APBA3: variants seen among roughly 807,000 people sequenced by gnomAD.
The protein encoded by APBA3 is amyloid-beta A4 precursor protein-binding family A member 3.
APBA3 carries 45 observed loss-of-function variants against 55.9 expected under a neutral mutation model. The ratio of observed to expected loss-of-function variants is 0.80; its 90% CI spans 0.63 to 1.03. The LOEUF (loss-of-function observed/expected upper bound fraction) is 1.03, where lower values mean the gene tolerates loss of function less well. APBA3 is among the 50% of genes least tolerant of loss of function. The pLI is 0.00. For synonymous variants in APBA3, 370 were observed against 353.3 expected (o/e 1.05, Z -0.53); for missense variants, 865 against 820.3 (o/e 1.05, Z -0.67).
At position 3,759,686 on chromosome 19, in the gene APBA3, T is replaced by TGGGCACC; in HGVS notation, c.576+2_576+3insGGTGCCC. 1 of 1,611,642 alleles carries TGGGCACC rather than the reference T, an allele frequency of 6.2e-7. No individual in the cohort carries two copies. Among genetic ancestry groups the TGGGCACC allele is most frequent in the Admixed American group, 1.7e-5 (1 of 59,604 alleles). ...GATGCCTGGAGGGCGGGGCGGGCAC[T>TGGGCACC]ACCTGGGCACCAGCGGGTGGCTCTT... On this transcript the variant is annotated splice_region_variant and intron_variant, in intron 2 of 10. Transcript: ENST00000316757.
At chr19:3,755,560 G>GGGGTT (rs1555743068) in intron 3 of APBA3, 8 of 58,018 alleles carry the variant, frequency 1.4e-4, no homozygotes, top group African/African-American at 5.5e-4. Context: ...TTAGGAGGCC[G>GGGGTT]GGGGGGGGGG....
rs1487860606 is a variant in APBA3, at chr19:3,759,733, T to C, written c.532A>G (p.Thr178Ala). 1.4e-5 allele frequency: 23 copies of C among 1,612,420 alleles called. No homozygotes were observed. The highest frequency in any genetic ancestry group is 1.9e-5 in the Non-Finnish European group (22 of 1,179,810). ...TCTTCAGGTGTGACTAGAGGCACCG[T>C]CTCCAGCCAGGGTTCCGGGGAACTG... The part of the protein sequence containing the change: ...SSSSPEPWLE[T>A]VPLVTPEEPP... Residue 178 changes from threonine to alanine, a missense_variant, in exon 2 of 11, where the codon ACG becomes GCG. Coordinates refer to ENST00000316757, the MANE Select transcript of APBA3 (RefSeq NM_004886.4).
At chr19:3,751,398 A>AC (rs368571496) in intron 9 of APBA3, 36 bp downstream of exon 9, 28 of 1,510,670 alleles carry the variant, frequency 1.9e-5, no homozygotes, top group East Asian at 1.7e-4. Context: ...GGGCCGCCCT[A>AC]CCCCCCCACC....
In APBA3 at chr19:3,753,918, C is replaced by T; in HGVS notation, c.858G>A (p.Met286Ile). 1.3e-6 allele frequency: 2 copies of T among 1,555,322 alleles called. No homozygotes were observed. The highest frequency in any genetic ancestry group is 8.7e-7 in the Non-Finnish European group (1 of 1,148,428). ...KVLTADSQEA[M>I]MDHALHTISY... ...AGATGGTATGCAGGGCGTGGTCCAT[C>T]ATGGCCTCCTGGGGCGGGAGAGGCA... Residue 286 changes from methionine to isoleucine, a missense_variant, in exon 6 of 11, where the codon ATG (methionine) becomes ATA (isoleucine). By Grantham distance (10) the Met-to-Ile change is conservative (BLOSUM62 1). Coordinates refer to ENST00000316757, the MANE Select transcript of APBA3 (RefSeq NM_004886.4).
At chr19:3,758,951 G>A (rs915827467) in intron 3 of APBA3, among the ~76,000 whole-genome samples, 6 of 152,172 alleles carry the variant, frequency 3.9e-5, no homozygotes, top group African/African-American at 2.4e-5. Flanking sequence ...CCCGGGCATG[G>A]TGGCTCACGC....
chr19:3,753,275 G>GGCC, intron 6 of APBA3: 1 of 502,414 alleles, frequency 2.0e-6, no homozygotes, highest in East Asian at 3.3e-5. Context: ...CCAGCCAGGG[G>GGCC]GCCTGGGGCC....
At position 3,751,517 on chromosome 19, in the gene APBA3, C is replaced by A. The variant is rs376088061; in HGVS notation, c.1432G>T (p.Val478Phe). Residue 478 changes from valine (V) to phenylalanine (F), a missense_variant, in exon 9 of 11, where the codon GTC becomes TTC. By Grantham distance (50) the Val-to-Phe change is conservative. Coordinates refer to ENST00000316757, the MANE Select transcript of APBA3 (RefSeq NM_004886.4). Reference sequence around the variant, plus strand: ...GCGGTGGTGACGGGAGGGCAGTGGACGATGCTGAGTGTCACCGACGTCTGC... The same window carrying A: ...GCGGTGGTGACGGGAGGGCAGTGGAAGATGCTGAGTGTCACCGACGTCTGC... ...KSQTSVTLSIVHCPPVTTAII... is the reference protein window; with the variant it reads ...KSQTSVTLSIFHCPPVTTAII... 23 of 1,588,702 alleles carry A rather than the reference C, an allele frequency of 1.4e-5. No individual in the cohort carries two copies. The highest frequency in any genetic ancestry group is 3.5e-5 in the Admixed American group (2 of 56,756).
chr19:3,753,508 C>T, intron 6 of APBA3: 1 of 459,964 alleles, frequency 2.2e-6, no homozygotes, highest in Non-Finnish European at 3.8e-6. Context: ...ATTAGCCAGG[C>T]ATGGTGATAC....
chr19:3,750,973 G>A lies in APBA3; in HGVS notation c.*53C>T. ...GGCCAGCCAGGGCAGGCCCAGGATG[G>A]GGCTCCGGGGCCATGGAGGCGAAGG... On this transcript the variant is annotated 3_prime_UTR_variant, in exon 11 of 11. Transcript: ENST00000316757. 1.3e-6 allele frequency: 2 copies of A among 1,528,230 alleles called. No individual in the cohort carries two copies. The highest frequency in any genetic ancestry group is 2.4e-5 in the East Asian group (1 of 40,850). The allele number at this position is 1,528,230 out of a possible 1,614,324, so 94.7% of individuals were successfully genotyped here. A position where few individuals can be genotyped will look rare whatever the true frequency, so the allele number is the denominator to read the frequency against.
rs771780165 is a variant in APBA3, at chr19:3,759,999, T to C, written c.266A>G (p.His89Arg). The change falls in exon 2 of 11, where the codon CAT becomes CGT. Residue 89 changes from histidine to arginine, a missense_variant. Physicochemically the swap from His to Arg is conservative, Grantham distance 29. Coordinates refer to ENST00000316757, the MANE Select transcript of APBA3 (RefSeq NM_004886.4). ...APCPLHIATGHGLASQEIADA... is the reference protein window; with the variant it reads ...APCPLHIATGRGLASQEIADA... ...AGCAATCTCCTGGGAGGCCAGGCCA[T>C]GGCCTGTGGCAATGTGTAGGGGACA... The C allele has an allele frequency of 5.6e-6, 9 of 1,611,710 alleles. No individual in the cohort carries two copies. In the South Asian group the frequency reaches 9.9e-5, roughly 18 times the overall value.
At chr19:3,754,738 C>A in intron 3 of APBA3, 1 of 172,208 alleles carries the variant, frequency 5.8e-6, no homozygotes, top group East Asian at 1.8e-4. Flanking sequence ...GTGATCTCAG[C>A]TCACTGCAAC....
At position 3,760,005 on chromosome 19, in the gene APBA3, G is replaced by C; in HGVS notation, c.260C>G (p.Thr87Arg). 6.2e-7 allele frequency: 1 copy of C among 1,612,020 alleles called. No homozygotes were observed. The highest frequency in any genetic ancestry group is 8.5e-7 in the Non-Finnish European group (1 of 1,179,584). ...CTCCTGGGAGGCCAGGCCATGGCCTGTGGCAATGTGTAGGGGACAGGGGGC... is the reference window on the plus strand; with the variant it reads ...CTCCTGGGAGGCCAGGCCATGGCCTCTGGCAATGTGTAGGGGACAGGGGGC... ...GGAPCPLHIA[T>R]GHGLASQEIA... The change falls in exon 2 of 11, where the codon ACA becomes AGA. Residue 87 changes from threonine to arginine, a missense_variant. By Grantham distance (71) the Thr-to-Arg change is moderately conservative (BLOSUM62 -1). Transcript: ENST00000316757.
intron 3 of APBA3, among the ~76,000 whole-genome samples, chr19:3,758,472 C>A (rs1373622733): frequency 6.6e-6 from 1 of 152,042 alleles, no homozygotes; most frequent in East Asian, 1.9e-4. Flanking sequence ...GTTGCCCAGG[C>A]TGGTCTCCAA....
rs1228133717 is a variant in APBA3, at chr19:3,759,760, T to C, written c.505A>G (p.Ser169Gly). Residue 169 changes from serine to glycine, a missense_variant, in exon 2 of 11, where the codon AGC becomes GGC. By Grantham distance (56) the Ser-to-Gly change is moderately conservative (BLOSUM62 0). Transcript: ENST00000316757. Reference protein sequence around the residue: ...SAEQEGSRSSSSSPEPWLETV... With the variant: ...SAEQEGSRSSGSSPEPWLETV... ...TCCAGCCAGGGTTCCGGGGAACTGCTTGAGCTCCTGCTGCCCTCCTGCTCA... is the reference window on the plus strand; with the variant it reads ...TCCAGCCAGGGTTCCGGGGAACTGCCTGAGCTCCTGCTGCCCTCCTGCTCA... 2 of 1,612,536 alleles carry C rather than the reference T, an allele frequency of 1.2e-6. No individual in the cohort carries two copies. Among genetic ancestry groups the C allele is most frequent in the African/African-American group, 1.3e-5 (1 of 74,878 alleles).
intron 1 of APBA3, among the ~76,000 whole-genome samples, chr19:3,761,110 C>T (rs1201252296): frequency 6.6e-6 from 1 of 152,034 alleles, no homozygotes; most frequent in Non-Finnish European, 1.5e-5. Flanking sequence ...AGTGGCTTCC[C>T]GAGCCCCTGT....
rs139964646 is a variant in APBA3, at chr19:3,760,112, T to C, written c.153A>G (p.Glu51=). 2 of 1,613,328 alleles carry C rather than the reference T, an allele frequency of 1.2e-6. No individual in the cohort carries two copies. Among genetic ancestry groups the C allele is most frequent in the Non-Finnish European group, 1.7e-6 (2 of 1,180,026 alleles). Residue 51 remains glutamate, a synonymous_variant, in exon 2 of 11, where the codon GAA becomes GAG. Coordinates refer to ENST00000316757, the MANE Select transcript of APBA3 (RefSeq NM_004886.4). ...GCTCCTGAAGGCTTGACTCATCAAG[T>C]TCCATCCGACTGAGGCTGCCGGGGC... ...PGGPGSLSRM[E]LDESSLQELV... is the part of the protein sequence containing the mutation.
In APBA3 at chr19:3,759,554, C is replaced by T. The variant is rs2037117976; in HGVS notation, c.616+7G>A. The T allele has an allele frequency of 6.3e-7, 1 of 1,595,558 alleles. No homozygotes were observed. The highest frequency in any genetic ancestry group is 8.5e-7 in the Non-Finnish European group (1 of 1,172,426). ...GTGCCTGAGGCTAGGGTGGGCGGGA[C>T]ACTCACCCTCCTGGGGGGCAGGGTA... On this transcript the variant is annotated splice_region_variant and intron_variant, in intron 3 of 10. Coordinates refer to ENST00000316757, the MANE Select transcript of APBA3 (RefSeq NM_004886.4).
chr19:3,757,184 C>G (rs1315012281), intron 3 of APBA3, among the ~76,000 whole-genome samples: 1 of 151,980 alleles, frequency 6.6e-6, no homozygotes, highest in Non-Finnish European at 1.5e-5. Context: ...ACAATCTTAG[C>G]TCACTGCAGC....
In APBA3 at chr19:3,753,773, C is replaced by T. The variant is rs368746082; in HGVS notation, c.1003G>A (p.Ala335Thr). 139 of 1,543,536 alleles carry T rather than the reference C, an allele frequency of 9.0e-5. No homozygotes were observed. Among genetic ancestry groups the T allele is most frequent in the Non-Finnish European group, 1.1e-4 (129 of 1,145,026 alleles). The change falls in exon 6 of 11, where the codon GCG becomes ACG. Residue 335 changes from alanine to threonine, a missense_variant. Transcript: ENST00000316757. The part of the protein sequence containing the change: ...LYKMLCHVFY[A>T]EDAQLIAQAI... ...GCGCCCTGGCTGCTCACGTCCTCCG[C>T]GTAGAATACGTGGCAGAGCATCTTG... is the stretch of plus-strand genomic sequence containing the variant.
Sources: gnomAD v4.1 joint callset for allele counts (sites outside exome capture counted in the v4.1 genomes callset) on GRCh38, gnomAD v4.1.1 for gene constraint, MANE v1.5 for transcripts, NCBI Gene and HGNC (gene_info 2026-07-23, HGNC 2026-07-21) for gene names.